The following EHBP1 variants were observed in gnomAD, a reference collection of about 807,000 sequenced individuals.
EHBP1 encodes the protein EH domain-binding protein 1.
A neutral mutation model predicts 144.0 loss-of-function variants in EHBP1; 55 were observed. The ratio of observed to expected loss-of-function variants is 0.38; its 90% CI spans 0.31 to 0.48. EHBP1 has a LOEUF of 0.48. Among genes scored for constraint, EHBP1 ranks in the 20% least tolerant of loss-of-function variants. The probability of loss-of-function intolerance (pLI) is 0.98; values close to 1 mark genes in which losing one functional copy is unlikely to be tolerated. For missense variants in EHBP1, 1,200 were observed against 1,364.2 expected, an observed-to-expected ratio of 0.88 and a Z score of 1.90; for synonymous variants, 469 against 472.7, an observed-to-expected ratio of 0.99 and a Z score of 0.10.
At chr2:62,840,452 C>A (rs900916813) in intron 7 of EHBP1, among the ~76,000 whole-genome samples, 14 of 146,214 alleles carry the variant, frequency 9.6e-5, no homozygotes, top group African/African-American at 3.5e-4. Flanking sequence ...GTCCAAAACA[C>A]CAAAAGCAAT....
rs1574400214 is a variant in EHBP1 at position 62,994,194 on chromosome 2, C to T, written c.2979+217C>T. On this transcript the variant is annotated intron_variant, in intron 18 of 22. Transcript: ENST00000431489. Reference sequence around the variant, plus strand: ...ATGAATTTTTCAGAGTTCCACAGCCCCAGTTTCCTTGAGACATTTCCATCA... The same window carrying T: ...ATGAATTTTTCAGAGTTCCACAGCCTCAGTTTCCTTGAGACATTTCCATCA... The T allele has an allele frequency of 1.3e-5, 4 of 301,268 alleles. No individual in the cohort carries two copies. In the East Asian group the frequency reaches 2.1e-4, roughly 16 times the overall value. 18.7% of individuals were successfully genotyped at this position (301,268 alleles called of 1,614,324 possible). A position where few individuals can be genotyped will look rare whatever the true frequency, so the allele number is the denominator to read the frequency against.
At chr2:62,971,971 A>T (rs2058518993) in intron 14 of EHBP1, among the ~76,000 whole-genome samples, 1 of 152,210 alleles carries the variant, frequency 6.6e-6, no homozygotes, top group Non-Finnish European at 1.5e-5. Flanking sequence ...CAGGAAGTCT[A>T]ACTACTTCAA....
intron 10 of EHBP1, among the ~76,000 whole-genome samples, chr2:62,921,011 G>A (rs2055034039): frequency 6.6e-6 from 1 of 152,114 alleles, no homozygotes; most frequent in African/African-American, 2.4e-5. Flanking sequence ...ATTCTGTTTG[G>A]ATAAACAGTG....
At position 62,787,404 on chromosome 2, in the gene EHBP1, C is replaced by G. The variant is rs1391110186; in HGVS notation, c.312+16012C>G. ...CCACACTGCACCGCTGCCCCCCCCC[C>G]CCACCCCCTTGCTCCATTAATGTGT... On this transcript the variant is annotated intron_variant, in intron 5 of 22. Coordinates refer to ENST00000431489, the MANE Select transcript of EHBP1 (RefSeq NM_001142616.3). Among the ~76,000 whole-genome samples, 5 of 125,008 alleles carry G rather than the reference C, an allele frequency of 4.0e-5. No homozygotes were observed. In the East Asian group the frequency reaches 8.8e-4, roughly 22 times the overall value. 82.0% of individuals were successfully genotyped at this position (125,008 alleles called of 152,430 possible). A position where few individuals can be genotyped will look rare whatever the true frequency, so the allele number is the denominator to read the frequency against.
intron 19 of EHBP1, among the ~76,000 whole-genome samples, chr2:63,024,802 G>C (rs2153308939): frequency 6.6e-6 from 1 of 152,082 alleles, no homozygotes; most frequent in Non-Finnish European, 1.5e-5. Flanking sequence ...CTTGAGCCCA[G>C]CCTGGGCAAC....
At chr2:62,970,693 TGATTCTTAA>T (rs2058459609) in intron 14 of EHBP1, among the ~76,000 whole-genome samples, 1 of 152,158 alleles carries the variant, frequency 6.6e-6, no homozygotes, top group Non-Finnish European at 1.5e-5. Flanking sequence ...CATTTTTATT[TGATTCTTAA>T]GATCCAAAGG....
chr2:62,730,447 T>C (rs2037398154), intron 2 of EHBP1, among the ~76,000 whole-genome samples: 1 of 152,304 alleles, frequency 6.6e-6, no homozygotes, highest in South Asian at 2.1e-4. Context: ...TCAATATGCA[T>C]TGAAGTTTCC....
chr2:62,947,688 T>C (rs916475742), intron 12 of EHBP1, among the ~76,000 whole-genome samples: 3 of 152,170 alleles, frequency 2.0e-5, no homozygotes, highest in Non-Finnish European at 2.9e-5. Context: ...CATTCTCAAC[T>C]AGGTTGTAGT....
chr2:63,038,424 G>T lies in EHBP1; in HGVS notation c.3204-319G>T, dbSNP rs149691639. The stretch of plus-strand genomic sequence containing the variant: ...TTTTCATATGGAGTTTTGGAAAAAA[G>T]AGATTATAAATTATGAAAAATATTT... On this transcript the variant is annotated intron_variant, in intron 20 of 22. Transcript: ENST00000431489. 2.5e-3 allele frequency among the ~76,000 whole-genome samples: 381 copies of T among 152,158 alleles called. 3 individuals are homozygous for T. Among genetic ancestry groups the T allele is most frequent in the Non-Finnish European group, 2.9e-3 (200 of 67,994 alleles).
At chr2:63,014,485 T>C (rs1271194801) in intron 19 of EHBP1, among the ~76,000 whole-genome samples, 1 of 152,246 alleles carries the variant, frequency 6.6e-6, no homozygotes, top group Non-Finnish European at 1.5e-5. Flanking sequence ...ATAAATGTTA[T>C]AAAAATATGT....
At chr2:62,689,397 C>G (rs1240152835) in intron 1 of EHBP1, among the ~76,000 whole-genome samples, 1 of 152,192 alleles carries the variant, frequency 6.6e-6, no homozygotes, top group Non-Finnish European at 1.5e-5. Flanking sequence ...AATTCCAGCA[C>G]TTTGGGAGGC....
intron 13 of EHBP1, among the ~76,000 whole-genome samples, chr2:62,954,114 C>G (rs1250871952): frequency 6.6e-6 from 1 of 152,134 alleles, no homozygotes; most frequent in Non-Finnish European, 1.5e-5. Flanking sequence ...GAAACTGAGG[C>G]TTAGAGAAAT....
At chr2:62,699,127 A>G (rs773663683) in intron 1 of EHBP1, among the ~76,000 whole-genome samples, 20 of 152,184 alleles carry the variant, frequency 1.3e-4, no homozygotes, top group Non-Finnish European at 2.5e-4. Context: ...TAGCCTTATT[A>G]TTTCAGAATG....
intron 2 of EHBP1, among the ~76,000 whole-genome samples, chr2:62,740,811 T>A (rs2038630632): frequency 6.6e-6 from 1 of 152,148 alleles, no homozygotes; most frequent in Non-Finnish European, 1.5e-5. Context: ...CTATCTTTTA[T>A]TTTTTTGACA....
intron 2 of EHBP1, among the ~76,000 whole-genome samples, chr2:62,708,528 A>G (rs1411507327): frequency 6.6e-6 from 1 of 152,224 alleles, no homozygotes; most frequent in Non-Finnish European, 1.5e-5. Flanking sequence ...TCAAGTTTCC[A>G]TATCCATAAA....
chr2:62,743,311 T>C (rs2038886401), intron 2 of EHBP1, among the ~76,000 whole-genome samples: 1 of 152,104 alleles, frequency 6.6e-6, no homozygotes, highest in African/African-American at 2.4e-5. Context: ...GTAATCTCTG[T>C]GGTTGGGCAG....
chr2:62,988,633 A>G (rs1174656503), intron 15 of EHBP1, among the ~76,000 whole-genome samples: 2 of 152,156 alleles, frequency 1.3e-5, no homozygotes, highest in Non-Finnish European at 2.9e-5. Context: ...TTTAAAATAC[A>G]AAGATATTTG....
intron 19 of EHBP1, among the ~76,000 whole-genome samples, chr2:63,020,359 TG>T (rs1357334355): frequency 7.1e-6 from 1 of 141,690 alleles, no homozygotes; most frequent in African/African-American, 2.6e-5. Flanking sequence ...AAACATTAGC[TG>T]GGTGTGGTGG....
intron 10 of EHBP1, among the ~76,000 whole-genome samples, chr2:62,893,971 G>A (rs984344178): frequency 5.9e-5 from 9 of 152,004 alleles, no homozygotes; most frequent in African/African-American, 2.2e-4. Context: ...CTTGAACATG[G>A]GAGGCAGAAG....
Sources: gnomAD v4.1 joint callset for allele counts (sites outside exome capture counted in the v4.1 genomes callset) on GRCh38, gnomAD v4.1.1 for gene constraint, MANE v1.5 for transcripts, NCBI Gene and HGNC (gene_info 2026-07-23, HGNC 2026-07-21) for gene names.